ERBB4: variants seen among roughly 807,000 people sequenced by gnomAD.
The protein encoded by ERBB4 is erb-b2 receptor tyrosine kinase 4.
In ERBB4, 42 loss-of-function variants were observed where a neutral mutation model predicts 158.0. The observed-to-expected ratio is 0.27, with a 90% CI of 0.21 to 0.34. The LOEUF is 0.34. ERBB4 is among the 10% of genes least tolerant of loss of function. The pLI is 1.00. For missense variants in ERBB4, 1,333 were observed against 1,624.1 expected (o/e 0.82, Z 3.08); for synonymous variants, 583 against 558.7 (o/e 1.04, Z -0.61).
chr2:212,362,800 C>T (rs1172267406), intron 1 of ERBB4, among the ~76,000 whole-genome samples: 1 of 150,604 alleles, frequency 6.6e-6, no homozygotes, highest in Non-Finnish European at 1.5e-5. Flanking sequence ...AATTGTATAC[C>T]TAAATACTTC....
intron 1 of ERBB4, among the ~76,000 whole-genome samples, chr2:212,231,265 C>T (rs192614812): frequency 9.2e-5 from 14 of 151,786 alleles, no homozygotes; most frequent in East Asian, 5.8e-4. Context: ...TCATCTCAAA[C>T]GGACAAAACC....
intron 1 of ERBB4, among the ~76,000 whole-genome samples, chr2:212,170,629 G>T (rs1479718433): frequency 1.3e-5 from 2 of 152,156 alleles, no homozygotes; most frequent in Non-Finnish European, 2.9e-5. Flanking sequence ...TTTGGGACTT[G>T]GGTGCCTGTC....
chr2:211,741,522 A>G (rs1276665226), intron 5 of ERBB4, among the ~76,000 whole-genome samples: 1 of 151,790 alleles, frequency 6.6e-6, no homozygotes, highest in African/African-American at 2.4e-5. Flanking sequence ...AGAGAGAAAG[A>G]TAAGAGAACT....
At chr2:211,870,275 T>TA (rs1222629508) in intron 3 of ERBB4, among the ~76,000 whole-genome samples, 3 of 152,090 alleles carry the variant, frequency 2.0e-5, no homozygotes, top group East Asian at 3.9e-4. Flanking sequence ...CAAGTGGCCA[T>TA]AAAAAAAGTA....
At chr2:211,479,139 G>C (rs2065024983) in intron 20 of ERBB4, among the ~76,000 whole-genome samples, 1 of 152,156 alleles carries the variant, frequency 6.6e-6, no homozygotes, top group Admixed American at 6.6e-5. Context: ...CCCAGGGTCA[G>C]AGCTCCTGGT....
intron 1 of ERBB4, among the ~76,000 whole-genome samples, chr2:212,315,136 A>T (rs1245264472): frequency 2.6e-5 from 4 of 151,266 alleles, no homozygotes; most frequent in East Asian, 2.0e-4. Flanking sequence ...AAGCCTTTTA[A>T]TTTTTTTTAA....
intron 1 of ERBB4, among the ~76,000 whole-genome samples, chr2:212,327,575 C>A (rs1041620480): frequency 1.3e-5 from 2 of 151,880 alleles, no homozygotes; most frequent in African/African-American, 4.8e-5. Flanking sequence ...TAAAACCAAA[C>A]CAAAGTTACG....
chr2:212,007,635 G>T (rs2076288854), intron 2 of ERBB4, among the ~76,000 whole-genome samples: 1 of 151,798 alleles, frequency 6.6e-6, no homozygotes, highest in African/African-American at 2.4e-5. Flanking sequence ...TAAAGTAAAT[G>T]CTTGTCAAAA....
chr2:211,713,776 A>G (rs2073797085), intron 7 of ERBB4, 128 bp from the exon 8 acceptor site: 2 of 656,780 alleles, frequency 3.0e-6, no homozygotes, highest in Non-Finnish European at 5.4e-6. Context: ...TCTTACCCTT[A>G]AACAACTCTT....
chr2:211,902,380 C>T (rs187850135), intron 3 of ERBB4, among the ~76,000 whole-genome samples: 2 of 152,046 alleles, frequency 1.3e-5, no homozygotes, highest in African/African-American at 4.8e-5. Context: ...TAGATATTAA[C>T]ATCTGTAATA....
At chr2:211,497,971 A>G (rs2065515151) in intron 20 of ERBB4, among the ~76,000 whole-genome samples, 1 of 152,124 alleles carries the variant, frequency 6.6e-6, no homozygotes, top group South Asian at 2.1e-4. Flanking sequence ...TGATGAAAGA[A>G]ATATAATGTG....
At chr2:212,308,416 A>G (rs2086895624) in intron 1 of ERBB4, among the ~76,000 whole-genome samples, 1 of 151,074 alleles carries the variant, frequency 6.6e-6, no homozygotes, top group Non-Finnish European at 1.5e-5. Context: ...TTTGTTTATA[A>G]CATTTAGAAC....
At chr2:211,875,667 T>C (rs190232796) in intron 3 of ERBB4, among the ~76,000 whole-genome samples, 1 of 152,284 alleles carries the variant, frequency 6.6e-6, no homozygotes, top group African/African-American at 2.4e-5. Flanking sequence ...TTATAAAGTA[T>C]ACAGTAGTGC....
intron 2 of ERBB4, among the ~76,000 whole-genome samples, chr2:211,981,657 C>A (rs1465443451): frequency 6.6e-6 from 1 of 152,138 alleles, no homozygotes; most frequent in African/African-American, 2.4e-5. Flanking sequence ...TTTTGAAACC[C>A]TCACATCACT....
chr2:211,956,911 T>C (rs2081050735), intron 2 of ERBB4, among the ~76,000 whole-genome samples: 1 of 152,020 alleles, frequency 6.6e-6, no homozygotes, highest in Non-Finnish European at 1.5e-5. Context: ...CACAGCTCAC[T>C]GCAGTCTTGA....
At chr2:212,367,183 A>G (rs982523404) in intron 1 of ERBB4, among the ~76,000 whole-genome samples, 1 of 151,984 alleles carries the variant, frequency 6.6e-6, no homozygotes, top group Non-Finnish European at 1.5e-5. Context: ...TCAGAACAAA[A>G]CCTATCTTGC....
At chr2:211,890,504 G>A (rs144303725) in intron 3 of ERBB4, among the ~76,000 whole-genome samples, 21,487 of 151,324 alleles carry the variant, frequency 0.14, 1,894 homozygotes, top group African/African-American at 0.24. Flanking sequence ...CAACTAATGA[G>A]CAAAATCACC....
chr2:211,426,051 C>T (rs2063619394), intron 22 of ERBB4, among the ~76,000 whole-genome samples: 1 of 152,004 alleles, frequency 6.6e-6, no homozygotes, highest in African/African-American at 2.4e-5. Flanking sequence ...AGAGTAGATA[C>T]TCTCACATTT....
intron 5 of ERBB4, among the ~76,000 whole-genome samples, chr2:211,742,860 A>T (rs749221985): frequency 6.6e-6 from 1 of 151,960 alleles, no homozygotes; most frequent in Non-Finnish European, 1.5e-5. Flanking sequence ...TTATTTTACT[A>T]TTATTCTATT....
Sources: allele counts gnomAD v4.1 joint callset (sites outside exome capture counted in the v4.1 genomes callset), GRCh38; gene constraint gnomAD v4.1.1; transcripts MANE v1.5; gene names NCBI Gene and HGNC (gene_info 2026-07-23, HGNC 2026-07-21).